SLC4A4: variants seen among roughly 807,000 people sequenced by gnomAD.
SLC4A4 encodes solute carrier family 4 member 4.
In SLC4A4, 27 loss-of-function variants were observed where a neutral mutation model predicts 111.5. The ratio of observed to expected loss-of-function variants is 0.24; its 90% CI spans 0.18 to 0.33. The LOEUF is 0.33. Ranked by LOEUF, SLC4A4 falls within the 10% of genes least tolerant of loss-of-function variation. SLC4A4 has a pLI of 1.00. For missense variants in SLC4A4, 909 were observed against 1,315.5 expected, an observed-to-expected ratio of 0.69 and a Z score of 4.78; for synonymous variants, 443 against 463.4, an observed-to-expected ratio of 0.96 and a Z score of 0.57.
intron 7 of SLC4A4, among the ~76,000 whole-genome samples, chr4:71,439,716 A>G (rs919387381): frequency 1.3e-5 from 2 of 151,800 alleles, no homozygotes; most frequent in African/African-American, 4.8e-5. Context: ...CCTCTGCTCT[A>G]TCTACACTCA....
intron 3 of SLC4A4, among the ~76,000 whole-genome samples, chr4:71,333,924 T>C (rs1396536164): frequency 6.7e-6 from 1 of 149,824 alleles, no homozygotes; most frequent in Non-Finnish European, 1.5e-5. Context: ...GGCTCTTCTC[T>C]GGCCCAGGGC....
In SLC4A4 at chr4:71,450,447, A is replaced by G; in HGVS notation, c.1112A>G (p.Asp371Gly). Residue 371 changes from aspartate (D) to glycine (G), a missense_variant, in exon 10 of 26, where the codon GAT (aspartate) becomes GGT (glycine). Transcript: ENST00000264485. The stretch of plus-strand genomic sequence containing the variant: ...AGGCACGACCTGATTGCTGGTATTG[A>G]TGAGTTCCTAGATGAAGTCATCGTC... ...KDRHDLIAGI[D>G]EFLDEVIVLP... 1 of 1,612,952 alleles carries G rather than the reference A, an allele frequency of 6.2e-7. No individual in the cohort carries two copies. Among genetic ancestry groups the G allele is most frequent in the Non-Finnish European group, 8.5e-7 (1 of 1,179,000 alleles).
At chr4:71,101,130 G>A (rs1006470389) in intron 2 of SLC4A4, among the ~76,000 whole-genome samples, 2 of 151,828 alleles carry the variant, frequency 1.3e-5, no homozygotes, top group Non-Finnish European at 2.9e-5. Flanking sequence ...ATGGTGGCGG[G>A]CGCCTGTAGT....
intron 18 of SLC4A4, among the ~76,000 whole-genome samples, chr4:71,535,539 T>C (rs1313275044): frequency 6.6e-6 from 1 of 152,134 alleles, no homozygotes; most frequent in Non-Finnish European, 1.5e-5. Flanking sequence ...GTCCAAAGCA[T>C]GTGGCTAGCT....
At chr4:71,098,720 A>T (rs886470363) in intron 2 of SLC4A4, among the ~76,000 whole-genome samples, 2 of 152,166 alleles carry the variant, frequency 1.3e-5, no homozygotes, top group Non-Finnish European at 2.9e-5. Context: ...CAAGAGGCCC[A>T]TTCCACATGT....
chr4:71,407,595 A>G lies in SLC4A4; in HGVS notation c.807+9942A>G, dbSNP rs73828145. 7.7e-3 allele frequency among the ~76,000 whole-genome samples: 1,171 copies of G among 152,300 alleles called. 16 individuals are homozygous for G. The highest frequency in any genetic ancestry group is 0.025 in the African/African-American group (1,031 of 41,558). On this transcript the variant is annotated intron_variant, in intron 7 of 25. Coordinates refer to ENST00000264485, the MANE Select transcript of SLC4A4 (RefSeq NM_001098484.3). ...GAATAAAAGAGTTTTAACCAAATAA[A>G]ACATTCTTCCTTGGATAAAAGGTTA...
chr4:71,460,819 A>G (rs887970597), intron 12 of SLC4A4, among the ~76,000 whole-genome samples: 40 of 152,068 alleles, frequency 2.6e-4, no homozygotes, highest in African/African-American at 8.7e-4. Flanking sequence ...ATCCCTAGGC[A>G]TTGTCTTCAT....
chr4:71,442,850 T>C (rs931502309), intron 8 of SLC4A4, among the ~76,000 whole-genome samples: 3 of 151,886 alleles, frequency 2.0e-5, no homozygotes, highest in African/African-American at 7.3e-5. Flanking sequence ...AGTTCACCAA[T>C]TTCATTATTT....
Position 71,178,181 on chromosome 4 carries a change from T to C in SLC4A4, c.-1-58395T>C, listed in dbSNP as rs1180883807. On this transcript the variant is annotated intron_variant, in intron 2 of 26. Transcript: ENST00000649996. ...AATCTCTGGGACACATTCAAAGCAG[T>C]GTGTAGAGGGAAATTTATAGCACTA... 3.3e-5 allele frequency among the ~76,000 whole-genome samples: 5 copies of C among 150,246 alleles called. No individual in the cohort carries two copies. In the South Asian group the frequency reaches 6.4e-4, roughly 19 times the overall value.
At chr4:71,228,786 A>G (rs1411991383) in intron 1 of SLC4A4, among the ~76,000 whole-genome samples, 1 of 152,254 alleles carries the variant, frequency 6.6e-6, no homozygotes, top group African/African-American at 2.4e-5. Flanking sequence ...CAGAGAGGTT[A>G]CTGGTGCAGA....
At chr4:71,370,726 T>C (rs1731792143) in intron 6 of SLC4A4, among the ~76,000 whole-genome samples, 1 of 152,256 alleles carries the variant, frequency 6.6e-6, no homozygotes, top group African/African-American at 2.4e-5. Context: ...TAGAAATTGC[T>C]CAAGAAATTC....
intron 2 of SLC4A4, among the ~76,000 whole-genome samples, chr4:71,238,884 G>T (rs1365317258): frequency 6.6e-6 from 1 of 152,132 alleles, no homozygotes; most frequent in African/African-American, 2.4e-5. Flanking sequence ...GAAATGGACA[G>T]GGGTTTTTTG....
At chr4:71,269,854 G>A (rs978290113) in intron 3 of SLC4A4, among the ~76,000 whole-genome samples, 5 of 152,118 alleles carry the variant, frequency 3.3e-5, no homozygotes, top group East Asian at 1.9e-4. Context: ...CTTTACTTAC[G>A]AGCTTTTTGA....
chr4:71,128,046 A>G (rs1743605223), intron 2 of SLC4A4, among the ~76,000 whole-genome samples: 1 of 152,218 alleles, frequency 6.6e-6, no homozygotes, highest in Non-Finnish European at 1.5e-5. Context: ...TCATCGTGCC[A>G]CTACACTCCA....
intron 2 of SLC4A4, among the ~76,000 whole-genome samples, chr4:71,111,848 C>T (rs1221800075): frequency 6.6e-6 from 1 of 151,132 alleles, no homozygotes; most frequent in Admixed American, 6.6e-5. Context: ...AGGCACGTGC[C>T]ACCACACTCA....
At chr4:71,437,292 A>T (rs1577900565) in intron 7 of SLC4A4, 1 of 363,828 alleles carries the variant, frequency 2.7e-6, no homozygotes, top group African/African-American at 2.1e-5. Flanking sequence ...TGTCCAGATT[A>T]CAGCCACTTC....
intron 3 of SLC4A4, among the ~76,000 whole-genome samples, chr4:71,303,466 A>G (rs1725430715): frequency 6.6e-6 from 1 of 152,204 alleles, no homozygotes; most frequent in African/African-American, 2.4e-5. Flanking sequence ...TGTCTTGCTA[A>G]TGGACCTCCT....
At chr4:71,108,677 A>G (rs1743008272) in intron 2 of SLC4A4, among the ~76,000 whole-genome samples, 1 of 152,100 alleles carries the variant, frequency 6.6e-6, no homozygotes, top group East Asian at 1.9e-4. Flanking sequence ...ATATTCATAT[A>G]TTTCCATCAA....
chr4:71,393,960 A>G (rs1052152693), intron 6 of SLC4A4, among the ~76,000 whole-genome samples: 1 of 152,300 alleles, frequency 6.6e-6, no homozygotes, highest in Middle Eastern at 3.4e-3. Flanking sequence ...GGCTAGCCAC[A>G]GGTAGGAGAA....
Sources: allele counts gnomAD v4.1 joint callset (sites outside exome capture counted in the v4.1 genomes callset), GRCh38; gene constraint gnomAD v4.1.1; transcripts MANE v1.5; gene names NCBI Gene and HGNC (gene_info 2026-07-23, HGNC 2026-07-21).